The following SLC67A2 variants were observed in gnomAD, a reference collection of about 807,000 sequenced individuals.
The protein encoded by SLC67A2 is solute carrier family 67 member A2.
the SLC67A2 span, among the ~76,000 whole-genome samples, chr2:102,723,402 G>A: frequency 6.6e-6 from 1 of 152,132 alleles, no homozygotes; most frequent in African/African-American, 2.4e-5. Context: ...CTGGGACGGG[G>A]AGGTTGCGGT....
the SLC67A2 span, among the ~76,000 whole-genome samples, chr2:102,727,704 T>C: frequency 2.0e-5 from 3 of 152,210 alleles, no homozygotes; most frequent in Non-Finnish European, 2.9e-5. Flanking sequence ...TCCAATTCTA[T>C]GCAGGCATTT....
At chr2:102,718,762 G>C in the SLC67A2 span, 8 of 1,613,704 alleles carry the variant, frequency 5.0e-6, no homozygotes, top group African/African-American at 1.1e-4. Flanking sequence ...GCAGTGTGCA[G>C]GTGAGTATGC....
At chr2:102,723,814 C>T in the SLC67A2 span, 1 of 1,614,198 alleles carries the variant, frequency 6.2e-7, no homozygotes, top group Admixed American at 1.7e-5. Flanking sequence ...ACACCGGAGG[C>T]TGTGTTGAAG....
chr2:102,721,167 G>A, the SLC67A2 span, among the ~76,000 whole-genome samples: 1 of 152,214 alleles, frequency 6.6e-6, no homozygotes, highest in African/African-American at 2.4e-5. Context: ...TGGCACTATT[G>A]TTGAAGGATC....
At chr2:102,728,381 T>C in the SLC67A2 span, among the ~76,000 whole-genome samples, 1 of 152,146 alleles carries the variant, frequency 6.6e-6, no homozygotes, top group East Asian at 1.9e-4. Context: ...ATGGAAGGAA[T>C]CTCACAGGCC....
chr2:102,725,970 CTCCTCTAAT>C, the SLC67A2 span, among the ~76,000 whole-genome samples: 189 of 152,290 alleles, frequency 1.2e-3, no homozygotes, highest in African/African-American at 4.4e-3. Context: ...GACACTGAAA[CTCCTCTAAT>C]TCCTAAGAAC....
chr2:102,719,938 T>G, the SLC67A2 span, among the ~76,000 whole-genome samples: 4 of 152,128 alleles, frequency 2.6e-5, no homozygotes, highest in East Asian at 7.7e-4. Context: ...ACCATTCTCA[T>G]AGACCACAAC....
chr2:102,732,576 A>T, the SLC67A2 span: 154 of 583,132 alleles, frequency 2.6e-4, no homozygotes, highest in African/African-American at 2.8e-3. Context: ...CCACTTGCAA[A>T]TGCCTGGATT....
chr2:102,731,771 G>C, the SLC67A2 span, among the ~76,000 whole-genome samples: 1 of 152,222 alleles, frequency 6.6e-6, no homozygotes, highest in Non-Finnish European at 1.5e-5. Flanking sequence ...CCATTAGTTA[G>C]CATAGTCCTA....
the SLC67A2 span, among the ~76,000 whole-genome samples, chr2:102,732,869 T>A: frequency 6.6e-6 from 1 of 152,204 alleles, no homozygotes; most frequent in African/African-American, 2.4e-5. Flanking sequence ...GCTGGTGCAC[T>A]AGGGAAAGGC....
the SLC67A2 span, among the ~76,000 whole-genome samples, chr2:102,720,431 C>A: frequency 6.6e-6 from 1 of 152,166 alleles, no homozygotes; most frequent in Admixed American, 6.5e-5. Flanking sequence ...ATGATGGCAA[C>A]TAACTTCTGT....
chr2:102,723,612 A>C, the SLC67A2 span: 2 of 1,330,370 alleles, frequency 1.5e-6, no homozygotes, highest in Non-Finnish European at 2.1e-6. Context: ...CTATTCTGAT[A>C]AAAACGAATT....
At chr2:102,726,975 C>T in the SLC67A2 span, 1 of 1,612,320 alleles carries the variant, frequency 6.2e-7, no homozygotes, top group Non-Finnish European at 8.5e-7. Context: ...TCCAGCAGCC[C>T]TGAGGAAAGT....
chr2:102,715,840 T>C, the SLC67A2 span: 1 of 152,120 alleles, frequency 6.6e-6, no homozygotes, highest in African/African-American at 2.4e-5. Context: ...ACACCACAAA[T>C]GTCAATTGAG....
At chr2:102,722,400 G>A in the SLC67A2 span, among the ~76,000 whole-genome samples, 6 of 152,246 alleles carry the variant, frequency 3.9e-5, no homozygotes, top group Admixed American at 3.3e-4. Flanking sequence ...ACCTACCACT[G>A]TGCCAGCTGT....
At chr2:102,726,159 A>G in the SLC67A2 span, among the ~76,000 whole-genome samples, 1 of 152,236 alleles carries the variant, frequency 6.6e-6, no homozygotes, top group Non-Finnish European at 1.5e-5. Flanking sequence ...CTGCTGTATC[A>G]TAATCCCAGT....
chr2:102,716,766 T>C, the SLC67A2 span: 1 of 152,108 alleles, frequency 6.6e-6, no homozygotes, highest in Non-Finnish European at 1.5e-5. Flanking sequence ...AGTGGACTAA[T>C]TAAGAAAAGT....
At chr2:102,736,122 T>C in the SLC67A2 span, among the ~76,000 whole-genome samples, 1 of 152,104 alleles carries the variant, frequency 6.6e-6, no homozygotes, top group East Asian at 1.9e-4. Flanking sequence ...GAAAGGCAGA[T>C]GGGTAAAATT....
the SLC67A2 span, among the ~76,000 whole-genome samples, chr2:102,727,642 C>T: frequency 1.3e-5 from 2 of 152,102 alleles, no homozygotes; most frequent in Non-Finnish European, 2.9e-5. Context: ...GCAAATTCTC[C>T]ACAGATACCC....
Sources: gnomAD v4.1 joint callset for allele counts (sites outside exome capture counted in the v4.1 genomes callset) on GRCh38, gnomAD v4.1.1 for gene constraint, MANE v1.5 for transcripts, NCBI Gene and HGNC (gene_info 2026-07-23, HGNC 2026-07-21) for gene names.